Variants in PRUNE2 observed in about 807,000 individuals in gnomAD.
The protein encoded by PRUNE2 is protein prune homolog 2.
A neutral mutation model predicts 252.0 loss-of-function variants in PRUNE2; 164 were observed. That is an observed-to-expected ratio of 0.65 (90% CI 0.57 to 0.74). The LOEUF (loss-of-function observed/expected upper bound fraction) is 0.74. Ranked by LOEUF, PRUNE2 falls within the 30% of genes least tolerant of loss-of-function variation. PRUNE2 has a pLI of 0.00. For missense variants in PRUNE2, 3,495 were observed against 3,711.0 expected (o/e 0.94, Z 1.51); for synonymous variants, 1,292 against 1,350.2 (o/e 0.96, Z 0.94).
intron 6 of PRUNE2, chr9:76,788,439 G>T: frequency 1.3e-6 from 1 of 755,236 alleles, no homozygotes; most frequent in Non-Finnish European, 2.5e-6. Context: ...GTAGCACAGT[G>T]GTCCCAGGCA....
At chr9:76,895,376 T>C (rs1369154924) in intron 1 of PRUNE2, among the ~76,000 whole-genome samples, 1 of 152,148 alleles carries the variant, frequency 6.6e-6, no homozygotes, top group African/African-American at 2.4e-5. Flanking sequence ...ACTCACATTT[T>C]TGCACCATCA....
chr9:76,614,332 T>G lies in PRUNE2; in HGVS notation c.*238A>C, dbSNP rs775120532. 415 of 565,984 alleles carry G rather than the reference T, an allele frequency of 7.3e-4. No individual in the cohort carries two copies. The highest frequency in any genetic ancestry group is 1.2e-3 in the Non-Finnish European group (374 of 322,228). 35.1% of individuals were successfully genotyped at this position (565,984 alleles called of 1,614,324 possible). A position where few individuals can be genotyped will look rare whatever the true frequency, so the allele number is the denominator to read the frequency against. On this transcript the variant is annotated 3_prime_UTR_variant, in exon 19 of 19. Coordinates refer to ENST00000376718, the MANE Select transcript of PRUNE2 (RefSeq NM_015225.3). ...AGTATTGAAATGGAAGGTCCTACTTTCTTGCTAAGGCTCAACTAAAATCTT... is the reference window on the plus strand; with the variant it reads ...AGTATTGAAATGGAAGGTCCTACTTGCTTGCTAAGGCTCAACTAAAATCTT...
Position 76,708,493 on chromosome 9 carries a change from CTT to C in PRUNE2, c.3779_3780del (p.Lys1260ArgfsTer15). 1 of 1,613,966 alleles carries C rather than the reference CTT, an allele frequency of 6.2e-7. No homozygotes were observed. ...PEIPSHSANVKDTHSPDAPAA... is the reference protein window; with the variant it reads ...PEIPSHSANVXDTHSPDAPAA... ...GCTGGCGCATCTGGGGAATGAGTGTCTTTAACATTTGCTGAATGGCTGGGGAT... is the reference window on the plus strand; with the variant it reads ...GCTGGCGCATCTGGGGAATGAGTGTCTAACATTTGCTGAATGGCTGGGGAT... On this transcript the variant is annotated frameshift_variant, in exon 8 of 19. Coordinates refer to ENST00000376718, the MANE Select transcript of PRUNE2 (RefSeq NM_015225.3). LOFTEE classifies it high-confidence loss of function.
At chr9:76,829,273 AT>A (rs2058529425) in intron 4 of PRUNE2, among the ~76,000 whole-genome samples, 1 of 152,196 alleles carries the variant, frequency 6.6e-6, no homozygotes, top group African/African-American at 2.4e-5. Flanking sequence ...CTCTTAGGAT[AT>A]TTGCTAATTC....
Position 76,665,832 on chromosome 9 carries a change from G to T in PRUNE2, c.8277-10330C>A, listed in dbSNP as rs146025754. On this transcript the variant is annotated intron_variant, in intron 9 of 18. Transcript: ENST00000376718. ...GCAGATCACCTGAGGTCAGGAGTTC[G>T]AGATCTGTGGGCGGCAAGCCACCTA... 3.4e-3 allele frequency among the ~76,000 whole-genome samples: 513 copies of T among 152,030 alleles called. 6 individuals carry two copies. The highest frequency in any genetic ancestry group is 0.028 in the East Asian group (147 of 5,164).
intron 6 of PRUNE2, chr9:76,778,570 A>G (rs2054047476): frequency 6.6e-6 from 1 of 152,222 alleles, no homozygotes; most frequent in South Asian, 2.1e-4. Context: ...GCTGGAGCTG[A>G]AGTTTAGCCC....
At chr9:76,741,832 C>A (rs1046094663) in intron 6 of PRUNE2, among the ~76,000 whole-genome samples, 1 of 152,204 alleles carries the variant, frequency 6.6e-6, no homozygotes, top group Non-Finnish European at 1.5e-5. Flanking sequence ...ACGTTCTCTA[C>A]TAAATCTGCC....
intron 9 of PRUNE2, among the ~76,000 whole-genome samples, chr9:76,690,690 C>T (rs2044619749): frequency 6.6e-6 from 1 of 152,174 alleles, no homozygotes; most frequent in South Asian, 2.1e-4. Flanking sequence ...GAATCTGGCT[C>T]ACTATCCTCA....
intron 9 of PRUNE2, among the ~76,000 whole-genome samples, chr9:76,662,648 G>A (rs55851518): frequency 0.035 from 5,369 of 152,224 alleles, 138 homozygotes; most frequent in Non-Finnish European, 0.055. Flanking sequence ...TGACAGACAC[G>A]GATATCCAGC....
chr9:76,770,944 T>C (rs1684326454), intron 6 of PRUNE2, among the ~76,000 whole-genome samples: 1 of 152,100 alleles, frequency 6.6e-6, no homozygotes, highest in Non-Finnish European at 1.5e-5. Context: ...AAAGAAGAAT[T>C]AGTAATTGAT....
At chr9:76,846,820 G>A (rs1027028946) in intron 3 of PRUNE2, 142 bp from the exon 4 acceptor site, 26 of 632,530 alleles carry the variant, frequency 4.1e-5, no homozygotes, top group Non-Finnish European at 5.7e-5. Flanking sequence ...CTCAGAAGAC[G>A]GGAGCCTTAT....
chr9:76,665,519 GA>G, intron 9 of PRUNE2, among the ~76,000 whole-genome samples: 1 of 152,208 alleles, frequency 6.6e-6, no homozygotes, highest in East Asian at 1.9e-4. Context: ...TTTCCTGTTT[GA>G]AATGTGTCTG....
At chr9:76,724,303 C>CAAAAAAAAAAAAAAAAAA (rs796291956) in intron 6 of PRUNE2, among the ~76,000 whole-genome samples, 1 of 69,418 alleles carries the variant, frequency 1.4e-5, no homozygotes, top group African/African-American at 5.5e-5. Flanking sequence ...GATAGAAATA[C>CAAAAAAAAAAAAAAAAAA]AAAAAAAAAA....
intron 9 of PRUNE2, among the ~76,000 whole-genome samples, chr9:76,694,451 G>A (rs1017692933): frequency 4.4e-4 from 67 of 152,264 alleles, no homozygotes; most frequent in African/African-American, 1.5e-3. Flanking sequence ...CCAAAGCGCT[G>A]GGATTACAGG....
intron 17 of PRUNE2, among the ~76,000 whole-genome samples, chr9:76,622,083 T>C (rs1200876300): frequency 1.3e-5 from 2 of 152,170 alleles, no homozygotes; most frequent in African/African-American, 2.4e-5. Flanking sequence ...CTCCAGGTCA[T>C]TGCAATGCAC....
At chr9:76,810,322 T>C (rs181409203) in intron 6 of PRUNE2, among the ~76,000 whole-genome samples, 2 of 152,242 alleles carry the variant, frequency 1.3e-5, no homozygotes, top group African/African-American at 4.8e-5. Context: ...AAAAATCAAA[T>C]GTAAGGTATA....
chr9:76,816,452 T>C (rs2057701300), intron 6 of PRUNE2, among the ~76,000 whole-genome samples: 1 of 152,150 alleles, frequency 6.6e-6, no homozygotes, highest in Non-Finnish European at 1.5e-5. Flanking sequence ...TCTGGGTCCA[T>C]GTTTCACTCT....
chr9:76,732,116 C>A (rs2048668705), intron 6 of PRUNE2, among the ~76,000 whole-genome samples: 1 of 152,128 alleles, frequency 6.6e-6, no homozygotes, highest in Non-Finnish European at 1.5e-5. Flanking sequence ...AGATCAAGAC[C>A]ATCCTGGCTA....
chr9:76,840,348 C>A (rs1387477455), intron 4 of PRUNE2, among the ~76,000 whole-genome samples: 2 of 152,066 alleles, frequency 1.3e-5, no homozygotes, highest in Admixed American at 1.3e-4. Flanking sequence ...CTCCAAGAAC[C>A]AAAGGAATCA....
Sources: gnomAD v4.1 joint callset for allele counts (sites outside exome capture counted in the v4.1 genomes callset) on GRCh38, gnomAD v4.1.1 for gene constraint, MANE v1.5 for transcripts, NCBI Gene and HGNC (gene_info 2026-07-23, HGNC 2026-07-21) for gene names.